The following NBAS variants were observed in gnomAD, a reference collection of about 807,000 sequenced individuals.
NBAS encodes the protein NAG/BC035112 fusion.
Under a neutral mutation model 302.5 loss-of-function variants are expected in NBAS, and 219 were observed. The observed-to-expected ratio is 0.72, with a 90% CI of 0.65 to 0.81. NBAS has a LOEUF of 0.81. Among genes scored for constraint, NBAS ranks in the 30% least tolerant of loss-of-function variants. The pLI, the probability that NBAS is intolerant of heterozygous loss-of-function variation, is 0.00. For synonymous variants in NBAS, 1,118 were observed against 1,021.6 expected, an observed-to-expected ratio of 1.09 and a Z score of -1.80; for missense variants, 2,932 against 2,841.6, an observed-to-expected ratio of 1.03 and a Z score of -0.72.
At chr2:15,383,151 C>T (rs1675121887) in intron 29 of NBAS, 64 bp downstream of exon 29, 1 of 1,346,348 alleles carries the variant, frequency 7.4e-7, no homozygotes, top group Non-Finnish European at 1.1e-6. Context: ...AATCTTGTAT[C>T]CAATAAACCA....
the NBAS span, among the ~76,000 whole-genome samples, chr2:14,996,939 C>A: frequency 6.6e-6 from 1 of 152,082 alleles, no homozygotes; most frequent in African/African-American, 2.4e-5. Flanking sequence ...ATCCAAACAA[C>A]AGGAAAATTA....
At chr2:14,943,506 G>A in the NBAS span, among the ~76,000 whole-genome samples, 4 of 152,140 alleles carry the variant, frequency 2.6e-5, no homozygotes, top group African/African-American at 9.7e-5. Flanking sequence ...TACAATCACA[G>A]AATATAATAT....
At chr2:15,234,395 A>G (rs1429236329) in intron 46 of NBAS, 150 bp downstream of exon 46, 6 of 784,564 alleles carry the variant, frequency 7.6e-6, no homozygotes, top group East Asian at 2.7e-5. Flanking sequence ...TTCTGAAGAC[A>G]TAAGACTATG....
At chr2:15,401,054 G>GT (rs1676126363) in intron 26 of NBAS, among the ~76,000 whole-genome samples, 1 of 152,062 alleles carries the variant, frequency 6.6e-6, no homozygotes, top group African/African-American at 2.4e-5. Context: ...CAGGAGGCAC[G>GT]TAAGGTCAGG....
At chr2:15,142,074 A>AC in the NBAS span, among the ~76,000 whole-genome samples, 1 of 152,234 alleles carries the variant, frequency 6.6e-6, no homozygotes, top group Non-Finnish European at 1.5e-5. Flanking sequence ...AATATGGAAT[A>AC]CCCATTCATC....
chr2:15,352,657 C>A lies in NBAS; in HGVS notation c.4090-576G>T, dbSNP rs192813689. Among the ~76,000 whole-genome samples, 7 of 152,122 alleles carry A rather than the reference C, an allele frequency of 4.6e-5. No homozygotes were observed. The East Asian group carries it at 1.4e-3, about 29-fold the overall frequency. On this transcript the variant is annotated intron_variant, in intron 34 of 51. Transcript: ENST00000281513. ...CTGCTGGTGATGGGAGGGGAGCGTG[C>A]GCAGTGTGTTTACAGGAGTCGTATG...
At chr2:15,069,046 C>T in the NBAS span, among the ~76,000 whole-genome samples, 3 of 152,138 alleles carry the variant, frequency 2.0e-5, no homozygotes, top group African/African-American at 4.8e-5. Context: ...CGGTCCTACT[C>T]CCATGACAAC....
chr2:15,417,359 A>G (rs1676993534), intron 24 of NBAS, among the ~76,000 whole-genome samples, 168 bp downstream of exon 24: 1 of 152,226 alleles, frequency 6.6e-6, no homozygotes, highest in Non-Finnish European at 1.5e-5. Context: ...ATAGTTTTAT[A>G]TGTGTTTAGT....
At chr2:15,154,782 G>C in the NBAS span, among the ~76,000 whole-genome samples, 1 of 152,088 alleles carries the variant, frequency 6.6e-6, no homozygotes, top group East Asian at 1.9e-4. Flanking sequence ...TGTGAGAGTG[G>C]GGGGTTCAAG....
intron 16 of NBAS, among the ~76,000 whole-genome samples, chr2:15,472,253 C>A (rs1679991542): frequency 6.6e-6 from 1 of 152,124 alleles, no homozygotes; most frequent in Admixed American, 6.5e-5. Context: ...CTTCTTGCTC[C>A]TATGGCTTGG....
chr2:15,179,212 C>T (rs1377177578), intron 50 of NBAS, 96 bp from the exon 51 acceptor site: 7 of 1,547,664 alleles, frequency 4.5e-6, no homozygotes, highest in Admixed American at 1.8e-5. Flanking sequence ...TCTGTGGTAG[C>T]GTGTGTGTGT....
At chr2:15,318,558 C>T (rs1671630915) in intron 38 of NBAS, among the ~76,000 whole-genome samples, 1 of 152,062 alleles carries the variant, frequency 6.6e-6, no homozygotes, top group African/African-American at 2.4e-5. Flanking sequence ...GAAGATCTAC[C>T]AAGCAAATGG....
the NBAS span, among the ~76,000 whole-genome samples, chr2:15,034,074 GGAAGAA>G: frequency 3.5e-5 from 4 of 115,086 alleles, no homozygotes; most frequent in Non-Finnish European, 5.0e-5. Context: ...GGGAAGGAGA[GGAAGAA>G]GAAGAAGAAG....
At chr2:15,302,229 A>C (rs1670834825) in intron 40 of NBAS, among the ~76,000 whole-genome samples, 1 of 152,212 alleles carries the variant, frequency 6.6e-6, no homozygotes, top group Non-Finnish European at 1.5e-5. Context: ...TAGGAAAAAC[A>C]TCCTGGATTC....
chr2:15,492,308 T>C (rs1259377774), intron 11 of NBAS, among the ~76,000 whole-genome samples: 2 of 152,184 alleles, frequency 1.3e-5, no homozygotes, highest in Non-Finnish European at 2.9e-5. Context: ...CCAAGTTATC[T>C]ATTGAACGTT....
the NBAS span, among the ~76,000 whole-genome samples, chr2:14,851,308 T>G: frequency 6.0e-5 from 9 of 150,240 alleles, no homozygotes; most frequent in South Asian, 4.2e-4. Flanking sequence ...ACACCTCTAC[T>G]CAAATAAACT....
At chr2:15,341,360 T>C (rs1672841201) in intron 35 of NBAS, among the ~76,000 whole-genome samples, 1 of 151,900 alleles carries the variant, frequency 6.6e-6, no homozygotes, top group African/African-American at 2.4e-5. Context: ...AACTCCTGCC[T>C]GGGCAACAGA....
chr2:15,333,380 T>C (rs1413810151), intron 35 of NBAS, among the ~76,000 whole-genome samples: 1 of 152,080 alleles, frequency 6.6e-6, no homozygotes, highest in Non-Finnish European at 1.5e-5. Flanking sequence ...AAGAGACCTA[T>C]AAACCACGCC....
the NBAS span, among the ~76,000 whole-genome samples, chr2:14,826,162 C>G: frequency 6.6e-6 from 1 of 152,182 alleles, no homozygotes; most frequent in South Asian, 2.1e-4. Flanking sequence ...TTCAGGGCTT[C>G]TCACTGGCAC....
Sources: allele counts gnomAD v4.1 joint callset (sites outside exome capture counted in the v4.1 genomes callset), GRCh38; gene constraint gnomAD v4.1.1; transcripts MANE v1.5; gene names NCBI Gene and HGNC (gene_info 2026-07-23, HGNC 2026-07-21).